The following KDM2B variants were observed in gnomAD, a reference collection of about 807,000 sequenced individuals.
The protein encoded by KDM2B is lysine-specific demethylase 2B.
KDM2B carries 26 observed loss-of-function variants against 150.0 expected under a neutral mutation model. The observed-to-expected ratio is 0.17, with a 90% CI of 0.13 to 0.24. The LOEUF (loss-of-function observed/expected upper bound fraction) is 0.24. Among genes scored for constraint, KDM2B ranks in the 10% least tolerant of loss-of-function variants. KDM2B has a pLI of 1.00. For missense variants in KDM2B, 1,265 were observed against 1,816.9 expected, an observed-to-expected ratio of 0.70 and a Z score of 5.52; for synonymous variants, 734 against 729.5, an observed-to-expected ratio of 1.01 and a Z score of -0.10.
At chr12:121,412,230 C>CTTT in the KDM2B span, among the ~76,000 whole-genome samples, 9 of 49,648 alleles carry the variant, frequency 1.8e-4, no homozygotes, top group South Asian at 2.9e-3. Flanking sequence ...CCCAACTAAT[C>CTTT]TTTTTTTTTT....
Position 121,474,349 on chromosome 12 carries a change from C to T in KDM2B, c.1734+20230G>A, listed in dbSNP as rs375241546. Reference sequence around the variant, plus strand: ...GAACACTGTGAAAACCCCGTCCCTACTAAAAAATACAAAAAAATTAGCTGG... The same window carrying T: ...GAACACTGTGAAAACCCCGTCCCTATTAAAAAATACAAAAAAATTAGCTGG... On this transcript the variant is annotated intron_variant, in intron 12 of 22. Transcript: ENST00000377071. 6.5e-3 allele frequency among the ~76,000 whole-genome samples: 991 copies of T among 152,102 alleles called. 11 individuals carry two copies. The highest frequency in any genetic ancestry group is 0.022 in the African/African-American group (909 of 41,500).
chr12:121,580,096 C>G, intron 1 of KDM2B: 2 of 1,584,254 alleles, frequency 1.3e-6, no homozygotes, highest in African/African-American at 1.4e-5. Context: ...ACTCCTGCCC[C>G]CTGCATTTTG....
At chr12:121,500,674 G>A (rs1244341123) in intron 11 of KDM2B, among the ~76,000 whole-genome samples, 2 of 152,334 alleles carry the variant, frequency 1.3e-5, no homozygotes, top group East Asian at 1.9e-4. Context: ...AGCACCCTCC[G>A]GGGTGCCCCC....
At chr12:121,550,853 G>A (rs550392915) in intron 4 of KDM2B, among the ~76,000 whole-genome samples, 16 of 151,956 alleles carry the variant, frequency 1.1e-4, no homozygotes, top group Non-Finnish European at 1.6e-4. Context: ...TTTTGTTAAC[G>A]GAGGGGGAAA....
intron 8 of KDM2B, among the ~76,000 whole-genome samples, chr12:121,531,471 C>G (rs1473662270): frequency 6.6e-6 from 1 of 152,138 alleles, no homozygotes; most frequent in East Asian, 1.9e-4. Flanking sequence ...AAAGGATACT[C>G]CTATCCTCTG....
chr12:121,566,038 T>C (rs1890684248), intron 4 of KDM2B, among the ~76,000 whole-genome samples: 1 of 152,044 alleles, frequency 6.6e-6, no homozygotes, highest in Non-Finnish European at 1.5e-5. Flanking sequence ...GAAAAATCTA[T>C]TCCAGATGAA....
intron 13 of KDM2B, among the ~76,000 whole-genome samples, chr12:121,448,527 G>A (rs782456586): frequency 2.0e-5 from 3 of 151,958 alleles, no homozygotes; most frequent in Non-Finnish European, 4.4e-5. Flanking sequence ...TGATGCACCC[G>A]GCTGTGAGCC....
At chr12:121,413,302 C>G in the KDM2B span, among the ~76,000 whole-genome samples, 1 of 152,208 alleles carries the variant, frequency 6.6e-6, no homozygotes, top group Non-Finnish European at 1.5e-5. Context: ...GCTGGGATTA[C>G]AGGCATAAGC....
chr12:121,442,300 G>A lies in KDM2B; in HGVS notation c.3141C>T (p.Pro1047=), dbSNP rs781820646. The A allele has an allele frequency of 9.9e-6, 16 of 1,609,548 alleles. No individual in the cohort carries two copies. In the East Asian group the frequency reaches 3.3e-4, roughly 34 times the overall value. Residue 1047 remains proline, a synonymous_variant, in exon 19 of 23, where the codon CCC becomes CCT. Coordinates refer to ENST00000377071, the MANE Select transcript of KDM2B (RefSeq NM_032590.5). The surrounding 1 kb of genome is among the most constrained non-coding windows in gnomAD (Gnocchi z 7.7). ...GTAGCGAGTCAGGCGGGGGGCTGAT[G>A]GGGGGTGGCCGGATCACATGGCGCT... ...QMERHVIRPP[P]ISPPPDSLPL... is the part of the protein sequence containing the mutation.
intron 4 of KDM2B, among the ~76,000 whole-genome samples, chr12:121,571,549 T>C (rs1262812772): frequency 6.6e-6 from 1 of 152,002 alleles, no homozygotes; most frequent in Non-Finnish European, 1.5e-5. Flanking sequence ...CCGCCTCAAC[T>C]TCCCAAAGCG....
intron 12 of KDM2B, among the ~76,000 whole-genome samples, chr12:121,482,190 G>A (rs1882229915): frequency 6.6e-6 from 1 of 152,216 alleles, no homozygotes; most frequent in African/African-American, 2.4e-5. Context: ...TAGTCTTGAA[G>A]TTCCAGTAAA....
chr12:121,432,061 T>C (rs1873145249), intron 22 of KDM2B, among the ~76,000 whole-genome samples: 3 of 151,810 alleles, frequency 2.0e-5, no homozygotes, highest in South Asian at 2.1e-4. Context: ...TTTTAATTTT[T>C]AGTAGAGATG....
At chr12:121,569,472 T>C (rs1195737460) in intron 4 of KDM2B, among the ~76,000 whole-genome samples, 1 of 151,848 alleles carries the variant, frequency 6.6e-6, no homozygotes, top group East Asian at 1.9e-4. Flanking sequence ...AGAAACAGAC[T>C]CAATTTCTCA....
rs544530595 is a variant in KDM2B, at chr12:121,439,597, G to A, written c.3829+260C>T. On this transcript the variant is annotated intron_variant, in intron 22 of 22. Transcript: ENST00000377071. ...GGGTTTCACCATGTTGGCCAGGCTA[G>A]TCTCGAACTCCTGTCCTTATGATCC... Among the ~76,000 whole-genome samples, 4 of 152,170 alleles carry A rather than the reference G, an allele frequency of 2.6e-5. No homozygotes were observed. The East Asian group carries it at 7.7e-4, about 29-fold the overall frequency.
chr12:121,564,817 T>C (rs971153249), intron 4 of KDM2B, among the ~76,000 whole-genome samples: 1 of 151,986 alleles, frequency 6.6e-6, no homozygotes, highest in Non-Finnish European at 1.5e-5. Flanking sequence ...GCAATCTTTT[T>C]TTTTTCTCTT....
the KDM2B span, chr12:121,416,269 C>T: frequency 6.2e-7 from 1 of 1,614,098 alleles, no homozygotes; most frequent in East Asian, 2.2e-5. Flanking sequence ...CCGGTCCATT[C>T]AGATTTACAC....
At position 121,549,253 on chromosome 12, in the gene KDM2B, C is replaced by T. The variant is rs1889301763; in HGVS notation, c.576+207G>A. Among the ~76,000 whole-genome samples the T allele has an allele frequency of 1.3e-5, 2 of 151,986 alleles. No homozygotes were observed. Among genetic ancestry groups the T allele is most frequent in the Admixed American group, 1.3e-4 (2 of 15,240 alleles). On this transcript the variant is annotated intron_variant, in intron 5 of 22. Coordinates refer to ENST00000377071, the MANE Select transcript of KDM2B (RefSeq NM_032590.5). The surrounding 1 kb of genome is among the most constrained non-coding windows in gnomAD (Gnocchi z 4.4). ...GCTAAGGTGAGAGGGTCACTTGAAC[C>T]CAGGAGTTCAAGGCCAGCCTGGGCA... is the stretch of plus-strand genomic sequence containing the variant.
chr12:121,528,575 T>TAATAAATAAATA (rs56986386), intron 8 of KDM2B, among the ~76,000 whole-genome samples: 100 of 148,928 alleles, frequency 6.7e-4, no homozygotes, highest in African/African-American at 2.1e-3. Flanking sequence ...AATGAAAAAA[T>TAATAAATAAATA]AATAAATAAA....
At chr12:121,469,457 A>G (rs1880509940) in intron 12 of KDM2B, 1 of 151,448 alleles carries the variant, frequency 6.6e-6, no homozygotes, top group Non-Finnish European at 1.5e-5. Context: ...TGTCTACTAA[A>G]AATACAAAAA....
Sources: allele counts gnomAD v4.1 joint callset (sites outside exome capture counted in the v4.1 genomes callset), GRCh38; gene constraint gnomAD v4.1.1; non-coding constraint Gnocchi (gnomAD v3.1); transcripts MANE v1.5; gene names NCBI Gene and HGNC (gene_info 2026-07-23, HGNC 2026-07-21).